Variants in RELN observed in about 807,000 individuals in gnomAD.
RELN encodes the protein reelin.
In RELN, 108 loss-of-function variants were observed where a neutral mutation model predicts 427.6. That is an observed-to-expected ratio of 0.25 (90% confidence interval 0.22 to 0.30). RELN has a LOEUF of 0.30. Ranked by LOEUF, RELN falls within the 10% of genes least tolerant of loss-of-function variation. RELN has a pLI of 1.00. For missense variants in RELN, 3,715 were observed against 4,302.8 expected (o/e 0.86, Z 3.82); for synonymous variants, 1,524 against 1,513.4 (o/e 1.01, Z -0.16).
chr7:103,933,963 C>T (rs1795922118), intron 1 of RELN, among the ~76,000 whole-genome samples: 1 of 152,212 alleles, frequency 6.6e-6, no homozygotes, highest in South Asian at 2.1e-4. Flanking sequence ...GGTTCTGTGG[C>T]ACCCTGATCC....
chr7:103,960,652 T>C (rs888456831), intron 1 of RELN, among the ~76,000 whole-genome samples: 5 of 152,112 alleles, frequency 3.3e-5, no homozygotes, highest in African/African-American at 1.2e-4. Flanking sequence ...TTAGAGCAAA[T>C]GCTAAGAAAA....
chr7:103,891,171 A>G (rs1486401020), intron 2 of RELN, among the ~76,000 whole-genome samples: 18 of 152,230 alleles, frequency 1.2e-4, no homozygotes, highest in Admixed American at 1.2e-3. Flanking sequence ...ACTGACATCT[A>G]GCTGGGTCAT....
intron 28 of RELN, among the ~76,000 whole-genome samples, chr7:103,580,407 T>C (rs1831103055): frequency 6.6e-6 from 1 of 152,172 alleles, no homozygotes; most frequent in Non-Finnish European, 1.5e-5. Flanking sequence ...GATGAATATT[T>C]TGTCTTCCAA....
intron 2 of RELN, among the ~76,000 whole-genome samples, chr7:103,889,025 C>T (rs773025420): frequency 6.6e-6 from 1 of 152,166 alleles, no homozygotes; most frequent in African/African-American, 2.4e-5. Context: ...TGCACTGCAG[C>T]TCCTTGTTCT....
intron 34 of RELN, among the ~76,000 whole-genome samples, chr7:103,562,367 CAGTGAGGTCTCT>C (rs1477478244): frequency 6.6e-6 from 1 of 152,100 alleles, no homozygotes; most frequent in South Asian, 2.1e-4. Flanking sequence ...AAAGTTCTGG[CAGTGAGGTCTCT>C]ATTTTACTGT....
rs922510775 is a variant in RELN at position 103,486,182 on chromosome 7, T to C, written c.9983+15A>G. ...CTAATTCTATGTCTGGACTAAAATA[T>C]GGAGGTTTGGGTACCTTGCTCGAGT... On this transcript the variant is annotated intron_variant, in intron 61 of 64. Transcript: ENST00000428762. 4.3e-6 allele frequency: 7 copies of C among 1,610,802 alleles called. No individual in the cohort carries two copies. Among genetic ancestry groups the C allele is most frequent in the South Asian group, 3.3e-5 (3 of 90,968 alleles).
chr7:103,895,270 T>A (rs1247247597), intron 2 of RELN, among the ~76,000 whole-genome samples: 1 of 152,086 alleles, frequency 6.6e-6, no homozygotes, highest in Admixed American at 6.6e-5. Context: ...TATTAAAATA[T>A]ACATGGCGGT....
intron 63 of RELN, 90 bp downstream of exon 63, chr7:103,482,783 C>T (rs1165388803): frequency 1.4e-5 from 23 of 1,599,406 alleles, no homozygotes; most frequent in Admixed American, 1.7e-5. Flanking sequence ...TCATCAAAAA[C>T]GGATCTTACT....
intron 3 of RELN, among the ~76,000 whole-genome samples, chr7:103,811,789 A>C (rs1198915679): frequency 6.6e-6 from 1 of 152,222 alleles, no homozygotes; most frequent in East Asian, 1.9e-4. Flanking sequence ...CTTGGCAGAC[A>C]TAAACCAACA....
chr7:103,686,003 A>G (rs1312453750), intron 10 of RELN, among the ~76,000 whole-genome samples: 1 of 152,136 alleles, frequency 6.6e-6, no homozygotes, highest in African/African-American at 2.4e-5. Context: ...TGCCTCTACC[A>G]TTGTTTTATT....
intron 2 of RELN, among the ~76,000 whole-genome samples, chr7:103,869,144 T>C (rs1356656033): frequency 1.3e-5 from 2 of 152,044 alleles, no homozygotes; most frequent in Non-Finnish European, 1.5e-5. Flanking sequence ...AAGTGTAGGA[T>C]GGGGAGTTTC....
intron 57 of RELN, among the ~76,000 whole-genome samples, chr7:103,494,727 T>C (rs943655146): frequency 6.6e-6 from 1 of 151,070 alleles, no homozygotes; most frequent in Non-Finnish European, 1.5e-5. Flanking sequence ...ATTAATTATT[T>C]ATGTCTTCAC....
intron 59 of RELN, among the ~76,000 whole-genome samples, chr7:103,490,196 C>T (rs1828601709): frequency 6.6e-6 from 1 of 152,182 alleles, no homozygotes; most frequent in African/African-American, 2.4e-5. Flanking sequence ...TTTTCCAAAT[C>T]TTTGAGTAAA....
chr7:103,856,178 A>G (rs1477118745), intron 2 of RELN, among the ~76,000 whole-genome samples: 6 of 152,184 alleles, frequency 3.9e-5, no homozygotes, highest in Non-Finnish European at 8.8e-5. Flanking sequence ...TTTACCATTC[A>G]AACTTGCCTA....
At chr7:103,708,798 G>A (rs1789711574) in intron 8 of RELN, among the ~76,000 whole-genome samples, 4 of 151,954 alleles carry the variant, frequency 2.6e-5, no homozygotes, top group Admixed American at 2.0e-4. Flanking sequence ...TACACGATTC[G>A]GGCCTCTGTT....
chr7:103,678,692 T>C (rs1208888314), intron 11 of RELN, among the ~76,000 whole-genome samples: 1 of 152,236 alleles, frequency 6.6e-6, no homozygotes, highest in Non-Finnish European at 1.5e-5. Context: ...TACTCTTTTT[T>C]CTCTGTCATG....
At chr7:103,814,437 T>C (rs780316864) in intron 3 of RELN, among the ~76,000 whole-genome samples, 3 of 152,208 alleles carry the variant, frequency 2.0e-5, no homozygotes, top group African/African-American at 4.8e-5. Flanking sequence ...AATGCCTTTA[T>C]TGGAAAGAAT....
chr7:103,755,573 A>T (rs1327259868), intron 4 of RELN, among the ~76,000 whole-genome samples: 1 of 148,912 alleles, frequency 6.7e-6, no homozygotes, highest in African/African-American at 2.5e-5. Flanking sequence ...GCGCCACCGC[A>T]CTCCAGCCTG....
At chr7:103,793,353 G>T (rs898701068) in intron 3 of RELN, among the ~76,000 whole-genome samples, 3 of 152,172 alleles carry the variant, frequency 2.0e-5, no homozygotes, top group Admixed American at 6.5e-5. Context: ...TGTGTACCAT[G>T]TTTTGATAAA....
Sources: gnomAD v4.1 joint callset for allele counts (sites outside exome capture counted in the v4.1 genomes callset) on GRCh38, gnomAD v4.1.1 for gene constraint, MANE v1.5 for transcripts, NCBI Gene and HGNC (gene_info 2026-07-23, HGNC 2026-07-21) for gene names.